NKAIN2: variants seen among roughly 807,000 people sequenced by gnomAD.
NKAIN2 encodes sodium/potassium transporting ATPase interacting 2.
Under a neutral mutation model 32.6 loss-of-function variants are expected in NKAIN2, and 14 were observed. The observed-to-expected ratio is 0.43, with a 90% CI of 0.28 to 0.67. The LOEUF is 0.67. Ranked by LOEUF, NKAIN2 falls within the 30% of genes least tolerant of loss-of-function variation. NKAIN2 has a pLI of 0.17. For missense variants in NKAIN2, 198 were observed against 258.3 expected, an observed-to-expected ratio of 0.77 and a Z score of 1.60; for synonymous variants, 80 against 87.2, an observed-to-expected ratio of 0.92 and a Z score of 0.46.
chr6:124,713,092 T>G (rs953539029), intron 4 of NKAIN2, among the ~76,000 whole-genome samples: 1 of 152,080 alleles, frequency 6.6e-6, no homozygotes, highest in Non-Finnish European at 1.5e-5. Context: ...TATCATACAT[T>G]TATGGAGTGT....
At chr6:124,584,298 A>T (rs1188367869) in intron 3 of NKAIN2, among the ~76,000 whole-genome samples, 1 of 152,208 alleles carries the variant, frequency 6.6e-6, no homozygotes. Context: ...ATTAAATAGG[A>T]AAATATCTAA....
At chr6:124,764,495 G>C (rs1778419613) in intron 4 of NKAIN2, among the ~76,000 whole-genome samples, 1 of 152,086 alleles carries the variant, frequency 6.6e-6, no homozygotes, top group Non-Finnish European at 1.5e-5. Flanking sequence ...ATCCTGAGAA[G>C]CAGCCCGTAA....
intron 4 of NKAIN2, among the ~76,000 whole-genome samples, chr6:124,665,193 C>A (rs942177722): frequency 6.6e-6 from 1 of 151,984 alleles, no homozygotes; most frequent in East Asian, 1.9e-4. Context: ...CACAAAACAC[C>A]AGAATAATCA....
intron 4 of NKAIN2, among the ~76,000 whole-genome samples, chr6:124,691,517 A>G (rs1774253617): frequency 6.6e-6 from 1 of 152,082 alleles, no homozygotes; most frequent in African/African-American, 2.4e-5. Context: ...ACTAAGGTCC[A>G]TTACCGCCCC....
chr6:124,327,815 C>T (rs1797485849), intron 2 of NKAIN2, among the ~76,000 whole-genome samples: 1 of 151,918 alleles, frequency 6.6e-6, no homozygotes, highest in Non-Finnish European at 1.5e-5. Flanking sequence ...GATGCACTCA[C>T]AAATAAGCAT....
intron 1 of NKAIN2, among the ~76,000 whole-genome samples, chr6:124,061,577 G>A (rs922556533): frequency 1.3e-5 from 2 of 152,060 alleles, no homozygotes; most frequent in African/African-American, 2.4e-5. Context: ...AGTAAATGCA[G>A]AACTGTTCAA....
chr6:124,233,222 T>C (rs957853589), intron 1 of NKAIN2, among the ~76,000 whole-genome samples: 7 of 151,792 alleles, frequency 4.6e-5, no homozygotes, highest in African/African-American at 7.3e-5. Flanking sequence ...AGTTACCTTT[T>C]AGAGAAAAAA....
intron 1 of NKAIN2, among the ~76,000 whole-genome samples, chr6:124,106,755 C>T (rs879338766): frequency 3.3e-5 from 5 of 152,156 alleles, no homozygotes; most frequent in South Asian, 2.1e-4. Flanking sequence ...ATGCTCTATC[C>T]ATTCACTTAC....
chr6:123,986,959 A>G (rs147929996), intron 1 of NKAIN2, among the ~76,000 whole-genome samples: 11 of 152,284 alleles, frequency 7.2e-5, no homozygotes, highest in Admixed American at 3.3e-4. Flanking sequence ...CACTTTAGCG[A>G]TATATAGGAG....
chr6:123,915,886 T>C (rs1775470370), intron 1 of NKAIN2, among the ~76,000 whole-genome samples: 1 of 152,220 alleles, frequency 6.6e-6, no homozygotes, highest in African/African-American at 2.4e-5. Flanking sequence ...ATTCTATGTA[T>C]TTCAACACAT....
chr6:124,766,109 TA>T (rs1778503336), intron 4 of NKAIN2, among the ~76,000 whole-genome samples: 1 of 152,212 alleles, frequency 6.6e-6, no homozygotes, highest in Non-Finnish European at 1.5e-5. Context: ...CTTTATTTTA[TA>T]AAACACACAA....
intron 3 of NKAIN2, among the ~76,000 whole-genome samples, chr6:124,396,428 T>TAAAAAAAA (rs529161089): frequency 7.7e-6 from 1 of 129,548 alleles, no homozygotes; most frequent in Non-Finnish European, 1.7e-5. Context: ...GCTATTTGAT[T>TAAAAAAAA]AAAAAAAAAA....
rs1450049106 is a variant in NKAIN2, at chr6:123,815,501, C to A, written c.54+11247C>A. On this transcript the variant is annotated intron_variant, in intron 1 of 6. Coordinates refer to ENST00000368417, the MANE Select transcript of NKAIN2 (RefSeq NM_001040214.3). ...GTCTTTATTTTTCATATCTCTAGAG[C>A]AGTAGTTTTGAATGTTTTTTGTTTG... 2.0e-5 allele frequency among the ~76,000 whole-genome samples: 3 copies of A among 152,076 alleles called. No individual in the cohort carries two copies. The East Asian group carries it at 5.8e-4, about 29-fold the overall frequency.
intron 4 of NKAIN2, among the ~76,000 whole-genome samples, chr6:124,750,351 A>G (rs1234368882): frequency 6.6e-6 from 1 of 151,420 alleles, no homozygotes; most frequent in African/African-American, 2.4e-5. Context: ...ATTTAGCACT[A>G]TCACATTTTA....
At chr6:124,145,226 A>G (rs186311536) in intron 1 of NKAIN2, among the ~76,000 whole-genome samples, 79 of 152,186 alleles carry the variant, frequency 5.2e-4, no homozygotes, top group African/African-American at 1.7e-3. Flanking sequence ...AGTTCCTTAT[A>G]AAACTAAACA....
At chr6:124,301,497 G>A (rs1040570915) in intron 2 of NKAIN2, among the ~76,000 whole-genome samples, 3 of 152,134 alleles carry the variant, frequency 2.0e-5, no homozygotes, top group Non-Finnish European at 1.5e-5. Flanking sequence ...ACCCCACAAT[G>A]GTAGACCCAC....
chr6:124,390,436 A>G (rs570814575), intron 3 of NKAIN2, among the ~76,000 whole-genome samples: 1 of 152,250 alleles, frequency 6.6e-6, no homozygotes, highest in Non-Finnish European at 1.5e-5. Flanking sequence ...CCAGTAGAAA[A>G]CTGGCTTTTA....
chr6:124,540,168 T>C (rs1174596872), intron 3 of NKAIN2, among the ~76,000 whole-genome samples: 1 of 152,260 alleles, frequency 6.6e-6, no homozygotes, highest in Non-Finnish European at 1.5e-5. Context: ...TATAGTGGGC[T>C]ATAAAGAAAC....
At position 124,183,757 on chromosome 6, in the gene NKAIN2, A is replaced by G. The variant is rs960836001; in HGVS notation, c.55-99248A>G. Among the ~76,000 whole-genome samples, 47 of 152,170 alleles carry G rather than the reference A, an allele frequency of 3.1e-4. 1 individual carries two copies. The highest frequency in any genetic ancestry group is 2.6e-3 in the Admixed American group (40 of 15,272). ...CTGCAAGTTTTTTCATATAACTATA[A>G]AATATCAGAATGTGGTAGATTTTTT... is the stretch of plus-strand genomic sequence containing the variant. On this transcript the variant is annotated intron_variant, in intron 1 of 6. Transcript: ENST00000368417.
Sources: gnomAD v4.1 joint callset for allele counts (sites outside exome capture counted in the v4.1 genomes callset) on GRCh38, gnomAD v4.1.1 for gene constraint, MANE v1.5 for transcripts, NCBI Gene and HGNC (gene_info 2026-07-23, HGNC 2026-07-21) for gene names.